The following MSRB3 variants were observed in gnomAD, a reference collection of about 807,000 sequenced individuals.
MSRB3 encodes the protein methionine sulfoxide reductase B3, also known as methionine-R-sulfoxide reductase B3.
MSRB3 carries 13 observed loss-of-function variants against 21.0 expected under a neutral mutation model. The ratio of observed to expected loss-of-function variants is 0.62; its 90% CI spans 0.40 to 0.98. The LOEUF is 0.98. Ranked by LOEUF, MSRB3 falls within the 50% of genes least tolerant of loss-of-function variation. The pLI, the probability that MSRB3 is intolerant of heterozygous loss-of-function variation, is 0.00. For synonymous variants in MSRB3, 87 were observed against 88.6 expected (o/e 0.98, Z 0.10); for missense variants, 199 against 230.3 (o/e 0.86, Z 0.88).
At chr12:65,308,181 G>A (rs182390285) in intron 1 of MSRB3, among the ~76,000 whole-genome samples, 1 of 152,342 alleles carries the variant, frequency 6.6e-6, no homozygotes, top group African/African-American at 2.4e-5. Context: ...AGAATTAAAT[G>A]ATACAACGTG....
At chr12:65,384,949 G>A (rs908956458) in intron 5 of MSRB3, among the ~76,000 whole-genome samples, 15 of 152,124 alleles carry the variant, frequency 9.9e-5, no homozygotes, top group African/African-American at 3.1e-4. Context: ...AAGTATTAAT[G>A]TTGGAGTTTT....
chr12:65,423,668 A>T (rs1421087300), intron 5 of MSRB3, among the ~76,000 whole-genome samples: 1 of 152,194 alleles, frequency 6.6e-6, no homozygotes, highest in Non-Finnish European at 1.5e-5. Flanking sequence ...ATGTTGAACC[A>T]TCCTCGCACC....
At chr12:65,451,884 C>T (rs1188591944) in intron 5 of MSRB3, among the ~76,000 whole-genome samples, 1 of 152,148 alleles carries the variant, frequency 6.6e-6, no homozygotes, top group Non-Finnish European at 1.5e-5. Flanking sequence ...TGCCTTTGTA[C>T]TGGACACTGT....
intron 4 of MSRB3, among the ~76,000 whole-genome samples, chr12:65,341,707 A>G (rs1007785545): frequency 6.6e-6 from 1 of 152,016 alleles, no homozygotes; most frequent in African/African-American, 2.4e-5. Flanking sequence ...AATTAAAAAT[A>G]AAAAAGAAAA....
At position 65,445,649 on chromosome 12, in the gene MSRB3, A is replaced by ATTT. The variant is rs11388948; in HGVS notation, c.293-8067_293-8065dup. ...CTACTTTTCAAGACACATATATATA[A>ATTT]TTTTTTTTTTTTTTGAGACAGAGTC... On this transcript the variant is annotated intron_variant, in intron 5 of 6. Transcript: ENST00000308259. Among the ~76,000 whole-genome samples the ATTT allele has an allele frequency of 5.0e-5, 7 of 140,678 alleles. 1 individual carries two copies. Among genetic ancestry groups the ATTT allele is most frequent in the Admixed American group, 1.4e-4 (2 of 13,994 alleles). The allele number at this position is 140,678 out of a possible 152,430, so 92.3% of individuals were successfully genotyped here. A position where few individuals can be genotyped will look rare whatever the true frequency, so the allele number is the denominator to read the frequency against.
chr12:65,401,213 T>A (rs1480920415), intron 5 of MSRB3, among the ~76,000 whole-genome samples: 1 of 152,204 alleles, frequency 6.6e-6, no homozygotes, highest in African/African-American at 2.4e-5. Context: ...AGTGGGGTGT[T>A]AATGTCTCCC....
At chr12:65,429,234 A>G (rs1881763407) in intron 5 of MSRB3, among the ~76,000 whole-genome samples, 1 of 152,176 alleles carries the variant, frequency 6.6e-6, no homozygotes, top group Non-Finnish European at 1.5e-5. Context: ...TGTTGATCCC[A>G]TGATAGGGAA....
At chr12:65,462,930 A>G (rs1233413755) in intron 6 of MSRB3, among the ~76,000 whole-genome samples, 1 of 152,202 alleles carries the variant, frequency 6.6e-6, no homozygotes, top group Non-Finnish European at 1.5e-5. Context: ...TGGCTCCTAA[A>G]TGATTTCTGA....
chr12:65,338,844 G>T (rs1452582899), intron 4 of MSRB3, among the ~76,000 whole-genome samples: 2 of 152,138 alleles, frequency 1.3e-5, no homozygotes, highest in African/African-American at 4.8e-5. Flanking sequence ...GAAGGCTGAG[G>T]TAGGCAGATT....
chr12:65,402,475 G>A (rs1387777843), intron 5 of MSRB3, among the ~76,000 whole-genome samples: 2 of 152,158 alleles, frequency 1.3e-5, no homozygotes, highest in African/African-American at 2.4e-5. Context: ...GGTCACTTAT[G>A]TTCTTCTCTA....
At chr12:65,399,457 C>A (rs1423828277) in intron 5 of MSRB3, among the ~76,000 whole-genome samples, 2 of 152,098 alleles carry the variant, frequency 1.3e-5, no homozygotes, top group East Asian at 1.9e-4. Flanking sequence ...GATTTTGTAT[C>A]CTGAGACTTT....
chr12:65,431,353 G>A (rs898248898), intron 5 of MSRB3, among the ~76,000 whole-genome samples: 3 of 151,968 alleles, frequency 2.0e-5, no homozygotes, highest in African/African-American at 7.2e-5. Context: ...ATGACAGAGA[G>A]GTTTTCACTT....
At chr12:65,366,248 C>G (rs777466103) in intron 4 of MSRB3, among the ~76,000 whole-genome samples, 61 of 152,332 alleles carry the variant, frequency 4.0e-4, no homozygotes, top group Non-Finnish European at 7.3e-4. Context: ...AGGGGTCCCT[C>G]CAGCCCTCAG....
At chr12:65,348,286 A>G (rs1876670836) in intron 4 of MSRB3, among the ~76,000 whole-genome samples, 1 of 152,136 alleles carries the variant, frequency 6.6e-6, no homozygotes, top group Admixed American at 6.5e-5. Context: ...CTATTTGGAG[A>G]TTCAACTTCT....
At chr12:65,378,727 A>G (rs914879505) in intron 5 of MSRB3, among the ~76,000 whole-genome samples, 1 of 152,166 alleles carries the variant, frequency 6.6e-6, no homozygotes, top group Non-Finnish European at 1.5e-5. Context: ...TCTCTCAGGG[A>G]TGGGCTCACA....
At chr12:65,383,388 C>G (rs1490416661) in intron 5 of MSRB3, among the ~76,000 whole-genome samples, 7 of 152,152 alleles carry the variant, frequency 4.6e-5, no homozygotes, top group Non-Finnish European at 4.4e-5. Flanking sequence ...TTGCCTCTTT[C>G]TGAAGCCTGT....
intron 6 of MSRB3, among the ~76,000 whole-genome samples, chr12:65,460,442 G>A (rs564688773): frequency 6.6e-6 from 1 of 152,360 alleles, no homozygotes; most frequent in South Asian, 2.1e-4. Flanking sequence ...ATGGCACTGC[G>A]TGGTTAGGCT....
At chr12:65,382,552 A>C (rs1164194317) in intron 5 of MSRB3, among the ~76,000 whole-genome samples, 2 of 151,794 alleles carry the variant, frequency 1.3e-5, no homozygotes, top group African/African-American at 2.4e-5. Flanking sequence ...GTTTGATATC[A>C]CTTTTTATCT....
At chr12:65,356,904 T>C (rs1162712170) in intron 4 of MSRB3, among the ~76,000 whole-genome samples, 2 of 151,930 alleles carry the variant, frequency 1.3e-5, no homozygotes, top group South Asian at 2.1e-4. Flanking sequence ...GGCAGTTATA[T>C]ACTATTCTAT....
Sources: allele counts gnomAD v4.1 joint callset (sites outside exome capture counted in the v4.1 genomes callset), GRCh38; gene constraint gnomAD v4.1.1; transcripts MANE v1.5; gene names NCBI Gene and HGNC (gene_info 2026-07-23, HGNC 2026-07-21).